Variants in CNTNAP2 observed in about 807,000 individuals in gnomAD.
The protein encoded by CNTNAP2 is contactin-associated protein-like 2.
A neutral mutation model predicts 155.2 loss-of-function variants in CNTNAP2; 98 were observed. The observed-to-expected ratio is 0.63, with a 90% CI of 0.54 to 0.75. CNTNAP2 has a LOEUF of 0.75. Ranked by LOEUF, CNTNAP2 falls within the 30% of genes least tolerant of loss-of-function variation. CNTNAP2 has a pLI of 0.00. For missense variants in CNTNAP2, 1,727 were observed against 1,688.1 expected, an observed-to-expected ratio of 1.02 and a Z score of -0.40; for synonymous variants, 651 against 631.2, an observed-to-expected ratio of 1.03 and a Z score of -0.47.
chr7:147,448,867 ATTG>A (rs1563207791), intron 10 of CNTNAP2, among the ~76,000 whole-genome samples: 1 of 152,052 alleles, frequency 6.6e-6, no homozygotes, highest in Non-Finnish European at 1.5e-5. Flanking sequence ...ATTGTAATCT[ATTG>A]TTATGTTAAT....
intron 16 of CNTNAP2, among the ~76,000 whole-genome samples, chr7:148,131,087 CTTTTTTTTTTT>C (rs755587892): frequency 1.0e-5 from 1 of 97,180 alleles, no homozygotes; most frequent in Non-Finnish European, 2.0e-5. Flanking sequence ...TTTTCTTCTT[CTTTTTTTTTTT>C]TTTTTTTTTT....
At chr7:147,092,771 C>T (rs1800433892) in intron 4 of CNTNAP2, among the ~76,000 whole-genome samples, 1 of 152,156 alleles carries the variant, frequency 6.6e-6, no homozygotes, top group South Asian at 2.1e-4. Flanking sequence ...ACTACAAAAA[C>T]TAAACTTATT....
chr7:146,909,050 T>G (rs1047171422), intron 3 of CNTNAP2, among the ~76,000 whole-genome samples: 20 of 151,748 alleles, frequency 1.3e-4, no homozygotes, highest in African/African-American at 4.6e-4. Flanking sequence ...CTAGAAAATC[T>G]AGAAGAAATG....
chr7:146,406,268 C>A (rs1235321857), intron 1 of CNTNAP2, among the ~76,000 whole-genome samples: 1 of 152,172 alleles, frequency 6.6e-6, no homozygotes. Context: ...TAGCAAATAT[C>A]TTTTAAAATC....
intron 14 of CNTNAP2, among the ~76,000 whole-genome samples, chr7:147,956,513 G>A (rs1563148008): frequency 6.6e-6 from 1 of 152,186 alleles, no homozygotes; most frequent in African/African-American, 2.4e-5. Flanking sequence ...CATTCAGAGA[G>A]CTTCACTGTG....
chr7:147,515,063 C>T (rs1799095125), intron 11 of CNTNAP2, among the ~76,000 whole-genome samples: 1 of 152,060 alleles, frequency 6.6e-6, no homozygotes, highest in South Asian at 2.1e-4. Flanking sequence ...CACTCAGTTG[C>T]TCACACATTT....
intron 9 of CNTNAP2, among the ~76,000 whole-genome samples, chr7:147,346,479 A>C (rs555167398): frequency 6.6e-6 from 1 of 152,178 alleles, no homozygotes; most frequent in Non-Finnish European, 1.5e-5. Context: ...TAAAGCATTA[A>C]AGTTTATTCA....
In CNTNAP2 at chr7:148,032,753, C is replaced by A. The variant is rs1462660223; in HGVS notation, c.2383+54764C>A. Among the ~76,000 whole-genome samples, 6 of 152,166 alleles carry A rather than the reference C, an allele frequency of 3.9e-5. No homozygotes were observed. The East Asian group carries it at 1.2e-3, about 29-fold the overall frequency. On this transcript the variant is annotated intron_variant, in intron 15 of 23. Coordinates refer to ENST00000361727, the MANE Select transcript of CNTNAP2 (RefSeq NM_014141.6). ...AACCAATGAGGAGCCATTCACCTCA[C>A]CTGCTGACGCGAAGGCTGCTTGCCA...
intron 13 of CNTNAP2, among the ~76,000 whole-genome samples, chr7:147,877,052 G>A (rs1275265432): frequency 6.6e-6 from 1 of 152,160 alleles, no homozygotes; most frequent in African/African-American, 2.4e-5. Flanking sequence ...GAAAAAAGTG[G>A]TAGCCAGTCA....
At chr7:146,145,797 T>C (rs62504796) in intron 1 of CNTNAP2, among the ~76,000 whole-genome samples, 25,862 of 152,186 alleles carry the variant, frequency 0.17, 2,741 homozygotes, top group East Asian at 0.28. Context: ...TGTTTTAGTA[T>C]ATCAGCTTTT....
chr7:148,078,666 A>G (rs1439397931), intron 15 of CNTNAP2, among the ~76,000 whole-genome samples: 1 of 152,028 alleles, frequency 6.6e-6, no homozygotes, highest in Admixed American at 6.6e-5. Flanking sequence ...TTTTTAGTAG[A>G]GACAGGGTTT....
intron 1 of CNTNAP2, among the ~76,000 whole-genome samples, chr7:146,430,452 T>A (rs188161571): frequency 3.9e-5 from 6 of 152,138 alleles, no homozygotes; most frequent in Admixed American, 6.6e-5. Context: ...CACTTGATAG[T>A]CTTTATCGAA....
At chr7:148,295,833 G>A (rs1563029914) in intron 21 of CNTNAP2, among the ~76,000 whole-genome samples, 1 of 147,600 alleles carries the variant, frequency 6.8e-6, no homozygotes, top group South Asian at 2.1e-4. Flanking sequence ...TAAAAGAGGA[G>A]GAAAGGAATA....
chr7:146,324,207 A>C (rs1453636369), intron 1 of CNTNAP2, among the ~76,000 whole-genome samples: 1 of 152,160 alleles, frequency 6.6e-6, no homozygotes, highest in Non-Finnish European at 1.5e-5. Flanking sequence ...GGTTGCAGTG[A>C]GCTGAGATGG....
chr7:148,023,207 T>A (rs1802316255), intron 15 of CNTNAP2, among the ~76,000 whole-genome samples: 1 of 152,194 alleles, frequency 6.6e-6, no homozygotes, highest in South Asian at 2.1e-4. Flanking sequence ...GGGAGACAAA[T>A]GTCTCTTGAG....
At chr7:146,751,764 T>G (rs1801907633) in intron 1 of CNTNAP2, among the ~76,000 whole-genome samples, 1 of 152,014 alleles carries the variant, frequency 6.6e-6, no homozygotes, top group Non-Finnish European at 1.5e-5. Flanking sequence ...CTCCTAATGC[T>G]CTCCCTCTCC....
At chr7:147,366,347 A>G (rs1796229347) in intron 9 of CNTNAP2, among the ~76,000 whole-genome samples, 3 of 152,086 alleles carry the variant, frequency 2.0e-5, no homozygotes, top group Non-Finnish European at 4.4e-5. Flanking sequence ...ATATGTTCTT[A>G]GACTCACTCA....
At chr7:146,856,883 G>C (rs1283482959) in intron 3 of CNTNAP2, among the ~76,000 whole-genome samples, 1 of 152,112 alleles carries the variant, frequency 6.6e-6, no homozygotes, top group African/African-American at 2.4e-5. Context: ...GACACTAAAA[G>C]GCTAAGGAGT....
chr7:147,792,872 C>T (rs573503814), intron 13 of CNTNAP2, among the ~76,000 whole-genome samples: 1 of 152,080 alleles, frequency 6.6e-6, no homozygotes, highest in South Asian at 2.1e-4. Context: ...TGTTATTGTC[C>T]ATCTTTTTTA....
Sources: allele counts gnomAD v4.1 joint callset (sites outside exome capture counted in the v4.1 genomes callset), GRCh38; gene constraint gnomAD v4.1.1; transcripts MANE v1.5; gene names NCBI Gene and HGNC (gene_info 2026-07-23, HGNC 2026-07-21).